The following TRIP10 variants were observed in gnomAD, a reference collection of about 807,000 sequenced individuals.
TRIP10 encodes thyroid hormone receptor interactor 10.
In TRIP10, 54 loss-of-function variants were observed where a neutral mutation model predicts 80.9. The observed-to-expected ratio is 0.67, with a 90% CI of 0.54 to 0.84. The LOEUF (loss-of-function observed/expected upper bound fraction) is 0.84. Among genes scored for constraint, TRIP10 ranks in the 40% least tolerant of loss-of-function variants. The probability of loss-of-function intolerance (pLI) is 0.00; values close to 1 mark genes in which losing one functional copy is unlikely to be tolerated. For missense variants in TRIP10, 773 were observed against 815.3 expected (o/e 0.95, Z 0.63); for synonymous variants, 321 against 307.2 (o/e 1.04, Z -0.47).
Position 6,745,891 on chromosome 19 carries a change from T to C in TRIP10, c.985-138T>C. 7.9e-7 allele frequency: 1 copy of C among 1,263,024 alleles called. No individual in the cohort carries two copies. The highest frequency in any genetic ancestry group is 1.0e-6 in the Non-Finnish European group (1 of 1,002,394). The allele number at this position is 1,263,024 out of a possible 1,614,324, so 78.2% of individuals were successfully genotyped here. A position where few individuals can be genotyped will look rare whatever the true frequency, so the allele number is the denominator to read the frequency against. The stretch of plus-strand genomic sequence containing the variant: ...TACCGTTTTTTTTCTTTCTCCATTT[T>C]GTTTTTCCTTTTTCCTTTTTTTGCG... On this transcript the variant is annotated intron_variant, in intron 9 of 14. Coordinates refer to ENST00000313244, the MANE Select transcript of TRIP10 (RefSeq NM_001288962.2). The surrounding 1 kb of genome is among the most constrained non-coding windows in gnomAD (Gnocchi z 7.2).
chr19:6,747,872 G>A (rs566625251), intron 11 of TRIP10, among the ~76,000 whole-genome samples: 37 of 151,748 alleles, frequency 2.4e-4, no homozygotes, highest in Non-Finnish European at 3.8e-4. Flanking sequence ...TGGGAGGCTG[G>A]GTAGAAGGAT....
chr19:6,739,847 TC>T, intron 1 of TRIP10, 62 bp downstream of exon 1: 1 of 1,391,564 alleles, frequency 7.2e-7, no homozygotes, highest in South Asian at 1.9e-5. Flanking sequence ...CCCCCTTTTG[TC>T]CCCAATGTAT....
rs1240363684 is a variant in TRIP10 at position 6,745,619 on chromosome 19, T to C, written c.985-410T>C. On this transcript the variant is annotated intron_variant, in intron 9 of 14. Transcript: ENST00000313244. This position sits in a 1 kb window ranked among gnomAD's most constrained non-coding sequence, Gnocchi z 7.2. Reference sequence around the variant, plus strand: ...CTTACCTGTCTGAGACCTTGATTCCTGCATGCGTCTTCTAGACTGTCAGCC... The same window carrying C: ...CTTACCTGTCTGAGACCTTGATTCCCGCATGCGTCTTCTAGACTGTCAGCC... 1.0e-6 allele frequency: 1 copy of C among 985,224 alleles called. No individual in the cohort carries two copies. Among genetic ancestry groups the C allele is most frequent in the Non-Finnish European group, 1.2e-6 (1 of 829,936 alleles). 61.0% of individuals were successfully genotyped at this position (985,224 alleles called of 1,614,324 possible).
chr19:6,746,160 G>A lies in TRIP10; in HGVS notation c.1116G>A (p.Arg372=), dbSNP rs1243521857. 1.3e-6 allele frequency: 2 copies of A among 1,546,112 alleles called. No individual in the cohort carries two copies. Among genetic ancestry groups the A allele is most frequent in the South Asian group, 1.2e-5 (1 of 83,704 alleles). ...LSEISKSVKP[R]LASFRSLRGS... is the part of the protein sequence containing the mutation. ...AGATCAGTAAGTCGGTCAAACCGAG[G>A]CTAGCATCCTTCCGCAGCCTTCGAG... The change falls in exon 10 of 15, where the codon AGG becomes AGA. Residue 372 remains arginine, a synonymous_variant. Transcript: ENST00000313244. This position sits in a 1 kb window ranked among gnomAD's most constrained non-coding sequence, Gnocchi z 6.2.
At position 6,746,527 on chromosome 19, in the gene TRIP10, C is replaced by T. The variant is rs746975148; in HGVS notation, c.1228C>T (p.Arg410Cys). ...RKRLQQQLEERSRELQKEVDQ... is the reference protein window; with the variant it reads ...RKRLQQQLEECSRELQKEVDQ... ...ACGGCTTCAACAGCAGTTGGAAGAA[C>T]GCAGTCGTGAACTTCAGAAGGAGGT... Residue 410 changes from arginine to cysteine, a missense_variant, in exon 11 of 15, where the codon CGC becomes TGC. Arg to Cys is a radical substitution (Grantham distance 180). Transcript: ENST00000313244. This position sits in a 1 kb window ranked among gnomAD's most constrained non-coding sequence, Gnocchi z 6.2. 106 of 1,613,936 alleles carry T rather than the reference C, an allele frequency of 6.6e-5. No individual in the cohort carries two copies. Among genetic ancestry groups the T allele is most frequent in the Non-Finnish European group, 8.2e-5 (97 of 1,180,020 alleles).
intron 3 of TRIP10, among the ~76,000 whole-genome samples, chr19:6,742,622 GA>G (rs201245938): frequency 3.1e-4 from 47 of 149,446 alleles, no homozygotes; most frequent in African/African-American, 1.1e-3. Context: ...ACCTCATCTG[GA>G]AAAAAAAAAT....
chr19:6,750,608 C>T lies in TRIP10; in HGVS notation c.1632C>T (p.His544=). The change falls in exon 14 of 15, where the codon CAC becomes CAT. Residue 544 remains histidine, a synonymous_variant. Transcript: ENST00000313244. ...FEEEPTSPIG[H]CVAIYHFEGS... is the part of the protein sequence containing the mutation. ...AGGAACCCACATCCCCCATAGGTCA[C>T]TGTGTGGCCATCTACCACTTTGAAG... 2 of 1,614,224 alleles carry T rather than the reference C, an allele frequency of 1.2e-6. No homozygotes were observed. Among genetic ancestry groups the T allele is most frequent in the Non-Finnish European group, 1.7e-6 (2 of 1,180,028 alleles).
At position 6,746,246 on chromosome 19, in the gene TRIP10, C is replaced by T. The variant is rs938726014; in HGVS notation, c.1152+50C>T. ...GAGGTGGTGGCCCTAGCCTGCCCAG[C>T]GGCGGGTGGCGGGACCCTGGGCTCG... On this transcript the variant is annotated intron_variant, in intron 10 of 14. Coordinates refer to ENST00000313244, the MANE Select transcript of TRIP10 (RefSeq NM_001288962.2). This position sits in a 1 kb window ranked among gnomAD's most constrained non-coding sequence, Gnocchi z 6.2. 4.7e-6 allele frequency: 7 copies of T among 1,483,992 alleles called. No individual in the cohort carries two copies. Among genetic ancestry groups the T allele is most frequent in the East Asian group, 2.5e-5 (1 of 40,228 alleles). The allele number at this position is 1,483,992 out of a possible 1,614,324, so 91.9% of individuals were successfully genotyped here. A position where few individuals can be genotyped will look rare whatever the true frequency, so the allele number is the denominator to read the frequency against.
rs1204907991 is a variant in TRIP10, at chr19:6,739,689, C to T, written c.-73C>T. On this transcript the variant is annotated 5_prime_UTR_variant, in exon 1 of 15. Transcript: ENST00000313244. Reference sequence around the variant, plus strand: ...CGCACCGCCCTCGGCTGAGTCTCCCCGGGGAGGGCGGCGGGCGGCGGGCGG... The same window carrying T: ...CGCACCGCCCTCGGCTGAGTCTCCCTGGGGAGGGCGGCGGGCGGCGGGCGG... The T allele has an allele frequency of 2.1e-6, 2 of 973,272 alleles. No homozygotes were observed. The highest frequency in any genetic ancestry group is 3.8e-5 in the African/African-American group (1 of 26,504). The allele number at this position is 973,272 out of a possible 1,614,324, so 60.3% of individuals were successfully genotyped here.
intron 5 of TRIP10, 97 bp downstream of exon 5, chr19:6,743,353 C>T: frequency 1.3e-6 from 2 of 1,542,294 alleles, no homozygotes. Context: ...CAGACCTGGA[C>T]CTTCCCTCCC....
At chr19:6,739,901 G>C in intron 1 of TRIP10, 116 bp downstream of exon 1, 2 of 1,217,614 alleles carry the variant, frequency 1.6e-6, no homozygotes, top group Non-Finnish European at 2.1e-6. Context: ...CGACCCCTGG[G>C]TCCCCGCCCT....
Position 6,743,615 on chromosome 19 carries a change from C to CGGGGGGGGGGAG in TRIP10, c.513+27_513+28insAGGGGGGGGGGG. 1 of 770,178 alleles carries CGGGGGGGGGGAG rather than the reference C, an allele frequency of 1.3e-6. No individual in the cohort carries two copies. The highest frequency in any genetic ancestry group is 1.8e-6 in the Non-Finnish European group (1 of 549,194). 47.7% of individuals were successfully genotyped at this position (770,178 alleles called of 1,614,324 possible). Reference sequence around the variant, plus strand: ...GTGGAGAAGGTGTGTGTGGCGGGGGCGGGGGGGGGGTGCGGGGTCTGGGAC... The same window carrying CGGGGGGGGGGAG: ...GTGGAGAAGGTGTGTGTGGCGGGGGCGGGGGGGGGGAGGGGGGGGGGGTGCGGGGTCTGGGAC... On this transcript the variant is annotated intron_variant, in intron 6 of 14. Transcript: ENST00000313244.
Position 6,739,690 on chromosome 19 carries a change from G to C in TRIP10, c.-72G>C, listed in dbSNP as rs951343038. 2 of 1,248,614 alleles carry C rather than the reference G, an allele frequency of 1.6e-6. No homozygotes were observed. The highest frequency in any genetic ancestry group is 1.0e-6 in the Non-Finnish European group (1 of 993,602). The allele number at this position is 1,248,614 out of a possible 1,614,324, so 77.3% of individuals were successfully genotyped here. A position where few individuals can be genotyped will look rare whatever the true frequency, so the allele number is the denominator to read the frequency against. On this transcript the variant is annotated 5_prime_UTR_variant, in exon 1 of 15. Transcript: ENST00000313244. The stretch of plus-strand genomic sequence containing the variant: ...GCACCGCCCTCGGCTGAGTCTCCCC[G>C]GGGAGGGCGGCGGGCGGCGGGCGGC...
chr19:6,746,881 G>T lies in TRIP10; in HGVS notation c.1262+320G>T, dbSNP rs538312658. Among the ~76,000 whole-genome samples the T allele has an allele frequency of 6.6e-6, 1 of 152,272 alleles. No homozygotes were observed. Among genetic ancestry groups the T allele is most frequent in the African/African-American group, 2.4e-5 (1 of 41,548 alleles). On this transcript the variant is annotated intron_variant, in intron 11 of 14. Transcript: ENST00000313244. The surrounding 1 kb of genome is among the most constrained non-coding windows in gnomAD (Gnocchi z 6.2). ...CTGTCTTGAACTCCTGGCCTCAGTT[G>T]ATCTGCCTGCCTCAGCCTCCCATAG...
rs768938918 is a variant in TRIP10 at position 6,746,257 on chromosome 19, G to A, written c.1152+61G>A. On this transcript the variant is annotated intron_variant, in intron 10 of 14. Coordinates refer to ENST00000313244, the MANE Select transcript of TRIP10 (RefSeq NM_001288962.2). The surrounding 1 kb of genome is among the most constrained non-coding windows in gnomAD (Gnocchi z 6.2). The stretch of plus-strand genomic sequence containing the variant: ...CCTAGCCTGCCCAGCGGCGGGTGGC[G>A]GGACCCTGGGCTCGCTTCCTGCCGC... 589 of 1,482,562 alleles carry A rather than the reference G, an allele frequency of 4.0e-4. No homozygotes were observed. The highest frequency in any genetic ancestry group is 5.0e-4 in the Non-Finnish European group (552 of 1,110,714). The allele number at this position is 1,482,562 out of a possible 1,614,324, so 91.8% of individuals were successfully genotyped here. A position where few individuals can be genotyped will look rare whatever the true frequency, so the allele number is the denominator to read the frequency against.
At position 6,744,810 on chromosome 19, in the gene TRIP10, T is replaced by A; in HGVS notation, c.800T>A (p.Val267Asp). The A allele has an allele frequency of 1.9e-6, 3 of 1,613,496 alleles. No homozygotes were observed. Among genetic ancestry groups the A allele is most frequent in the Non-Finnish European group, 2.5e-6 (3 of 1,179,670 alleles). ...NAVDPKNDSH[V>D]LIELHKSGFA... is the part of the protein sequence containing the mutation. ...GTCCCCCTCCCCCAGGACTCCCACG[T>A]CCTTATAGAGCTGCACAAGTCAGGT... Residue 267 changes from valine to aspartate, a missense_variant, in exon 9 of 15, where the codon GTC becomes GAC. Val to Asp is a radical substitution (Grantham distance 152). Coordinates refer to ENST00000313244, the MANE Select transcript of TRIP10 (RefSeq NM_001288962.2). This position sits in a 1 kb window ranked among gnomAD's most constrained non-coding sequence, Gnocchi z 4.9.
rs371739436 is a variant in TRIP10 at position 6,739,969 on chromosome 19, G to T, written c.24+184G>T. Among the ~76,000 whole-genome samples, 14 of 152,296 alleles carry T rather than the reference G, an allele frequency of 9.2e-5. 1 individual carries two copies. The East Asian group carries it at 2.5e-3, about 27-fold the overall frequency. On this transcript the variant is annotated intron_variant, in intron 1 of 14. Coordinates refer to ENST00000313244, the MANE Select transcript of TRIP10 (RefSeq NM_001288962.2). The stretch of plus-strand genomic sequence containing the variant: ...GAGTCTCAGCACGCTCAGGGGCGAA[G>T]GGCGACTTTGCCGGACCGGAGTGGG...
At chr19:6,748,108 T>C (rs1009571892) in intron 11 of TRIP10, among the ~76,000 whole-genome samples, 4 of 152,124 alleles carry the variant, frequency 2.6e-5, no homozygotes, top group Admixed American at 6.6e-5. Context: ...CAGCATATGG[T>C]TATCTATTTA....
rs371599936 is a variant in TRIP10 at position 6,744,523 on chromosome 19, C to A, written c.643-31C>A. ...GTGCTTCTAGTCCCTCTGTTAGCAC[C>A]CCTGAGCCACCCTTGTCCCTGTCCT... is the stretch of plus-strand genomic sequence containing the variant. On this transcript the variant is annotated intron_variant, in intron 7 of 14. Transcript: ENST00000313244. The surrounding 1 kb of genome is among the most constrained non-coding windows in gnomAD (Gnocchi z 4.9). 2 of 1,613,302 alleles carry A rather than the reference C, an allele frequency of 1.2e-6. No homozygotes were observed. Among genetic ancestry groups the A allele is most frequent in the African/African-American group, 1.3e-5 (1 of 75,052 alleles).
Sources: allele counts gnomAD v4.1 joint callset (sites outside exome capture counted in the v4.1 genomes callset), GRCh38; gene constraint gnomAD v4.1.1; non-coding constraint Gnocchi (gnomAD v3.1); transcripts MANE v1.5; gene names NCBI Gene and HGNC (gene_info 2026-07-23, HGNC 2026-07-21).